STON1: variants seen among roughly 807,000 people sequenced by gnomAD.
STON1 encodes the protein stonin-1.
Under a neutral mutation model 60.9 loss-of-function variants are expected in STON1, and 79 were observed. The ratio of observed to expected loss-of-function variants is 1.30; its 90% confidence interval spans 1.08 to 1.56. The LOEUF is 1.56. STON1 is among the 40% of genes most tolerant of loss of function. The pLI is 0.00. For synonymous variants in STON1, 363 were observed against 306.9 expected (o/e 1.18, Z -1.91); for missense variants, 1,166 against 858.9 (o/e 1.36, Z -4.47).
Position 48,580,959 on chromosome 2 carries a change from C to A in STON1, c.326C>A (p.Ser109Tyr). ...GTGCTTTATCCTATTCCAGAATCAT[C>A]TTCAGACAGCCCACTCGCAATATCA... ...THVLYPIPES[S>Y]SDSPLAISGG... Residue 109 changes from serine to tyrosine, a missense_variant, in exon 2 of 4, where the codon TCT becomes TAT. By Grantham distance (144) the Ser-to-Tyr change is moderately radical. Coordinates refer to ENST00000404752, the MANE Select transcript of STON1 (RefSeq NM_006873.4). 2 of 1,586,264 alleles carry A rather than the reference C, an allele frequency of 1.3e-6. No homozygotes were observed. The highest frequency in any genetic ancestry group is 1.7e-6 in the Non-Finnish European group (2 of 1,169,912).
intron 1 of STON1, among the ~76,000 whole-genome samples, chr2:48,576,627 C>A (rs77337164): frequency 6.6e-6 from 1 of 150,746 alleles, no homozygotes; most frequent in East Asian, 1.9e-4. Flanking sequence ...CATATATTTT[C>A]TGGCTATTTG....
rs572755639 is a variant in STON1, at chr2:48,574,026, G to T, written c.-47-6561G>T. 1.4e-4 allele frequency among the ~76,000 whole-genome samples: 21 copies of T among 152,314 alleles called. No individual in the cohort carries two copies. In the South Asian group the frequency reaches 4.1e-3, roughly 30 times the overall value. On this transcript the variant is annotated intron_variant, in intron 1 of 3. Transcript: ENST00000404752. ...GTTTCCAGGGCCTGTGGGGAGGGGA[G>T]TATGTGGAGTGACTACTAATAAGCA...
intron 1 of STON1, 25 bp downstream of exon 1, chr2:48,530,241 G>C: frequency 5.4e-6 from 2 of 367,408 alleles, no homozygotes; most frequent in Non-Finnish European, 1.0e-5. Flanking sequence ...CCAGGGGACA[G>C]AGACGGGAGG....
At chr2:48,586,552 A>T (rs1674217320) in intron 2 of STON1, among the ~76,000 whole-genome samples, 2 of 152,206 alleles carry the variant, frequency 1.3e-5, no homozygotes, top group African/African-American at 4.8e-5. Flanking sequence ...GAGAGTCAAT[A>T]GAGTTTCCAT....
chr2:48,549,810 C>CAAAAAAAAAAAAAA (rs59908100), intron 1 of STON1, among the ~76,000 whole-genome samples: 1 of 78,104 alleles, frequency 1.3e-5, no homozygotes. Context: ...GACTCCATCT[C>CAAAAAAAAAAAAAA]AAAAAAAAAA....
chr2:48,582,317 T>G lies in STON1; in HGVS notation c.1684T>G (p.Leu562Val), dbSNP rs1291623672. ...LAQRSSYAGS[L>V]RSCDNIRIHF... is the part of the protein sequence containing the mutation. ...GCAGAGGTCATCCTATGCTGGTTCC[T>G]TAAGGTCCTGTGACAATATAAGGAT... Residue 562 changes from leucine (L) to valine (V), a missense_variant, in exon 2 of 4, where the codon TTA (leucine) becomes GTA (valine). Leu to Val is a conservative substitution (Grantham distance 32, BLOSUM62 1). Coordinates refer to ENST00000404752, the MANE Select transcript of STON1 (RefSeq NM_006873.4). 1.2e-6 allele frequency: 2 copies of G among 1,614,232 alleles called. No individual in the cohort carries two copies. Among genetic ancestry groups the G allele is most frequent in the Admixed American group, 3.3e-5 (2 of 60,026 alleles).
chr2:48,563,700 TTG>T (rs1672703431), intron 1 of STON1, among the ~76,000 whole-genome samples: 1 of 149,358 alleles, frequency 6.7e-6, no homozygotes, highest in Non-Finnish European at 1.5e-5. Context: ...GTTTTTGTTG[TTG>T]TTGTTGTTTT....
At chr2:48,553,874 C>A (rs569670316) in intron 1 of STON1, among the ~76,000 whole-genome samples, 1 of 152,180 alleles carries the variant, frequency 6.6e-6, no homozygotes, top group Non-Finnish European at 1.5e-5. Context: ...GTGACTTGTT[C>A]AAACTTACAA....
At chr2:48,537,793 T>C (rs1042047809) in intron 1 of STON1, among the ~76,000 whole-genome samples, 1 of 146,682 alleles carries the variant, frequency 6.8e-6, no homozygotes, top group Non-Finnish European at 1.5e-5. Flanking sequence ...GAGATTGCAG[T>C]GTGCTGAGAT....
chr2:48,561,948 C>T (rs980633237), intron 1 of STON1, among the ~76,000 whole-genome samples: 2 of 152,188 alleles, frequency 1.3e-5, no homozygotes, highest in African/African-American at 4.8e-5. Context: ...GCAACCTCTG[C>T]CTCCCCGGTT....
At chr2:48,565,951 A>C (rs926581234) in intron 1 of STON1, among the ~76,000 whole-genome samples, 14 of 152,212 alleles carry the variant, frequency 9.2e-5, no homozygotes, top group African/African-American at 3.4e-4. Flanking sequence ...TAAAATCCGA[A>C]TACCCACCCA....
At chr2:48,533,767 CTTT>C (rs67961428) in intron 1 of STON1, among the ~76,000 whole-genome samples, 12 of 90,550 alleles carry the variant, frequency 1.3e-4, no homozygotes, top group Admixed American at 3.6e-4. Context: ...TTACACAGGA[CTTT>C]TTTTTTTTTT....
intron 1 of STON1, among the ~76,000 whole-genome samples, chr2:48,558,685 G>A (rs1016599101): frequency 6.6e-6 from 1 of 152,188 alleles, no homozygotes; most frequent in Non-Finnish European, 1.5e-5. Context: ...TGAGCAGAGG[G>A]TATAGTGGCA....
chr2:48,531,861 C>G (rs1255912178), intron 1 of STON1: 2 of 152,060 alleles, frequency 1.3e-5, no homozygotes, highest in Non-Finnish European at 2.9e-5. Flanking sequence ...TGAACAACCC[C>G]TTAAAAAACA....
intron 1 of STON1, among the ~76,000 whole-genome samples, chr2:48,563,597 G>A (rs1017330089): frequency 2.0e-5 from 3 of 152,208 alleles, no homozygotes; most frequent in African/African-American, 7.2e-5. Flanking sequence ...AAGGTGGACT[G>A]TGTGTTCCCT....
rs1673875971 is a variant in STON1, at chr2:48,581,392, A to G, written c.759A>G (p.Leu253=). 5 of 1,606,976 alleles carry G rather than the reference A, an allele frequency of 3.1e-6. No homozygotes were observed. Among genetic ancestry groups the G allele is most frequent in the Non-Finnish European group, 4.3e-6 (5 of 1,176,074 alleles). Residue 253 remains leucine (L), a synonymous_variant, in exon 2 of 4, where the codon CTA becomes CTG. Coordinates refer to ENST00000404752, the MANE Select transcript of STON1 (RefSeq NM_006873.4). The stretch of plus-strand genomic sequence containing the variant: ...TTAGAAGTTTGTCTATGCACTGTCT[A>G]TGTGCTGAAGAAAATGCCTCTTCCT... ...DSLRSLSMHC[L]CAEENASSFV... is the part of the protein sequence containing the mutation.
Position 48,595,440 on chromosome 2 carries a change from A to C in STON1, c.*138A>C. ...CAGGTCTGATGGCTGTGTTTAGAGA[A>C]GTTTAGACCTAAAACCGAACAATCT... On this transcript the variant is annotated 3_prime_UTR_variant, in exon 4 of 4. Coordinates refer to ENST00000404752, the MANE Select transcript of STON1 (RefSeq NM_006873.4). 1 of 686,706 alleles carries C rather than the reference A, an allele frequency of 1.5e-6. No homozygotes were observed. The highest frequency in any genetic ancestry group is 2.0e-5 in the South Asian group (1 of 49,502). 42.5% of individuals were successfully genotyped at this position (686,706 alleles called of 1,614,324 possible).
At chr2:48,579,249 C>G (rs1355872491) in intron 1 of STON1, among the ~76,000 whole-genome samples, 3 of 151,828 alleles carry the variant, frequency 2.0e-5, no homozygotes, top group Admixed American at 6.6e-5. Context: ...AGGTGATCTG[C>G]TCTCCTCAGC....
In STON1 at chr2:48,582,010, T is replaced by C. The variant is rs565916466; in HGVS notation, c.1377T>C (p.Asn459=). The C allele has an allele frequency of 2.5e-6, 4 of 1,614,098 alleles. No homozygotes were observed. In the African/African-American group the frequency reaches 5.3e-5, roughly 22 times the overall value. Residue 459 remains asparagine (N), a synonymous_variant, in exon 2 of 4, where the codon AAT becomes AAC. Coordinates refer to ENST00000404752, the MANE Select transcript of STON1 (RefSeq NM_006873.4). ...ACCTGGAATGCTTTTTAACCTTGAA[T>C]GACCTTGAGTTGCCGAAGCGAGATG... ...NGNLECFLTL[N]DLELPKRDES...
Sources: allele counts gnomAD v4.1 joint callset (sites outside exome capture counted in the v4.1 genomes callset), GRCh38; gene constraint gnomAD v4.1.1; transcripts MANE v1.5; gene names NCBI Gene and HGNC (gene_info 2026-07-23, HGNC 2026-07-21).